The following DCDC2 variants were observed in gnomAD, a reference collection of about 807,000 sequenced individuals.
DCDC2 encodes doublecortin domain containing 2, also known as doublecortin domain-containing protein 2.
A neutral mutation model predicts 50.2 loss-of-function variants in DCDC2; 40 were observed. The observed-to-expected ratio is 0.80, with a 90% CI of 0.62 to 1.04. The LOEUF (loss-of-function observed/expected upper bound fraction) is 1.04, where lower values mean the gene tolerates loss of function less well. Ranked by LOEUF, DCDC2 falls within the 50% of genes least tolerant of loss-of-function variation. The pLI, the probability that DCDC2 is intolerant of heterozygous loss-of-function variation, is 0.00. For missense variants in DCDC2, 570 were observed against 581.9 expected (o/e 0.98, Z 0.21); for synonymous variants, 234 against 210.6 (o/e 1.11, Z -0.96).
At chr6:24,296,437 A>G (rs1759241970) in intron 4 of DCDC2, among the ~76,000 whole-genome samples, 2 of 152,232 alleles carry the variant, frequency 1.3e-5, no homozygotes, top group Non-Finnish European at 2.9e-5. Flanking sequence ...CATGACAAAG[A>G]CACCAAAAGC....
chr6:24,200,926 T>C (rs563715892), intron 8 of DCDC2, among the ~76,000 whole-genome samples: 1 of 151,814 alleles, frequency 6.6e-6, no homozygotes, highest in Non-Finnish European at 1.5e-5. Context: ...CATTACATAA[T>C]TGTAAAGGGA....
At chr6:24,289,743 A>G (rs1305410352) in intron 5 of DCDC2, among the ~76,000 whole-genome samples, 1 of 152,112 alleles carries the variant, frequency 6.6e-6, no homozygotes, top group African/African-American at 2.4e-5. Flanking sequence ...CACTTCATCT[A>G]TTACTTATTT....
Position 24,174,176 on chromosome 6 carries a change from T to C in DCDC2, c.*554A>G, listed in dbSNP as rs530070009. On this transcript the variant is annotated 3_prime_UTR_variant, in exon 10 of 10. Transcript: ENST00000378454. ...CAAAATGAACGCCTTGCTCTGTCTT[T>C]GTAGTTCAAAGGTGGATTTTGGCTA... 1 of 152,760 alleles carries C rather than the reference T, an allele frequency of 6.5e-6. No individual in the cohort carries two copies. Among genetic ancestry groups the C allele is most frequent in the Non-Finnish European group, 1.5e-5 (1 of 68,154 alleles). The allele number at this position is 152,760 out of a possible 1,614,324, so 9.5% of individuals were successfully genotyped here.
intron 4 of DCDC2, 98 bp downstream of exon 4, chr6:24,301,617 G>A: frequency 6.9e-7 from 1 of 1,454,452 alleles, no homozygotes; most frequent in Non-Finnish European, 9.4e-7. Flanking sequence ...TAACTGGGGA[G>A]CCAAAATTCA....
intron 7 of DCDC2, among the ~76,000 whole-genome samples, chr6:24,276,446 T>A (rs1763358875): frequency 6.6e-6 from 1 of 151,488 alleles, no homozygotes; most frequent in South Asian, 2.1e-4. Flanking sequence ...TTAAGGTGGA[T>A]CCTGTTTCAT....
chr6:24,242,961 CA>C (rs11298638), intron 7 of DCDC2, among the ~76,000 whole-genome samples: 114,264 of 147,872 alleles, frequency 0.77, 44,140 homozygotes, highest in Non-Finnish European at 0.8. Context: ...GATCTCATCT[CA>C]AAAAAAAAAA....
At chr6:24,212,343 C>T (rs1035375717) in intron 7 of DCDC2, among the ~76,000 whole-genome samples, 1 of 152,190 alleles carries the variant, frequency 6.6e-6, no homozygotes, top group Non-Finnish European at 1.5e-5. Context: ...TGGGCAAAAA[C>T]AGGCCTTTCA....
At chr6:24,344,854 T>C (rs1277352) in intron 2 of DCDC2, among the ~76,000 whole-genome samples, 151,810 of 152,354 alleles carry the variant, frequency 1, 75,635 homozygotes, top group Middle Eastern at 1. Flanking sequence ...TGGTCACTGA[T>C]GTGAACTGGC....
At chr6:24,309,178 A>G (rs1759528038) in intron 2 of DCDC2, among the ~76,000 whole-genome samples, 1 of 152,118 alleles carries the variant, frequency 6.6e-6, no homozygotes, top group African/African-American at 2.4e-5. Context: ...ACAAAAAATT[A>G]GCCAGGCTTG....
Position 24,357,479 on chromosome 6 carries a change from T to TG in DCDC2, c.271dup (p.Gln91ProfsTer24). On this transcript the variant is annotated frameshift_variant, in exon 1 of 10. Coordinates refer to ENST00000378454, the MANE Select transcript of DCDC2 (RefSeq NM_016356.5). LOFTEE classifies it high-confidence loss of function. The stretch of plus-strand genomic sequence containing the variant: ...TCACTTGAGTTTCTTGAAGGCTTCC[T>TG]GGCCTCCAGCCACGTAATTGCCCCC... 1.2e-6 allele frequency: 2 copies of TG among 1,608,674 alleles called. No homozygotes were observed. Among genetic ancestry groups the TG allele is most frequent in the Non-Finnish European group, 1.7e-6 (2 of 1,176,866 alleles).
At chr6:24,271,051 G>T (rs369883365) in intron 7 of DCDC2, among the ~76,000 whole-genome samples, 3 of 151,334 alleles carry the variant, frequency 2.0e-5, no homozygotes, top group Admixed American at 6.6e-5. Flanking sequence ...GTGAAACCCC[G>T]TCTCTATAAA....
chr6:24,375,849 A>AAGAT, the DCDC2 span, among the ~76,000 whole-genome samples: 86,952 of 151,316 alleles, frequency 0.57, 26,269 homozygotes, highest in East Asian at 0.8. Flanking sequence ...AAGGGAGAGT[A>AAGAT]AGAGGAAGAA....
chr6:24,357,375 G>T (rs535090952), intron 1 of DCDC2, 83 bp downstream of exon 1: 31 of 1,454,870 alleles, frequency 2.1e-5, no homozygotes, highest in Non-Finnish European at 2.8e-5. Context: ...TGAGGTGTGG[G>T]GGGGTAGGGA....
intron 7 of DCDC2, among the ~76,000 whole-genome samples, chr6:24,256,964 GATTA>G (rs1227754409): frequency 6.6e-6 from 1 of 152,100 alleles, no homozygotes; most frequent in Admixed American, 6.6e-5. Context: ...ATTATAACAA[GATTA>G]ATTTTTCAGT....
rs971783591 is a variant in DCDC2 at position 24,226,461 on chromosome 6, A to G, written c.923-21359T>C. Among the ~76,000 whole-genome samples, 4 of 152,208 alleles carry G rather than the reference A, an allele frequency of 2.6e-5. No homozygotes were observed. In the East Asian group the frequency reaches 5.8e-4, roughly 22 times the overall value. On this transcript the variant is annotated intron_variant, in intron 7 of 9. Coordinates refer to ENST00000378454, the MANE Select transcript of DCDC2 (RefSeq NM_016356.5). ...TGGCTGGACCATCCCCTATGTGAGC[A>G]TGAGGGATGAAAACTGGAGCAGACT...
At chr6:24,359,344 A>T (rs1228891280), upstream of DCDC2, among the ~76,000 whole-genome samples, 8 of 61,686 alleles carry the variant, frequency 1.3e-4, no homozygotes, top group Non-Finnish European at 1.8e-4. Flanking sequence ...ATTATATATT[A>T]TATATATTTT....
chr6:24,248,940 A>G (rs1762742311), intron 7 of DCDC2, among the ~76,000 whole-genome samples: 1 of 152,154 alleles, frequency 6.6e-6, no homozygotes, highest in Non-Finnish European at 1.5e-5. Flanking sequence ...CCAATTACCA[A>G]TGCCCCATCC....
the DCDC2 span, among the ~76,000 whole-genome samples, chr6:24,364,521 G>GTTTATATGTATTTATATAACA: frequency 2.4e-4 from 36 of 152,196 alleles, no homozygotes; most frequent in Non-Finnish European, 4.6e-4. Context: ...AGAGTTAAAT[G>GTTTATATGTATTTATATAACA]TTTATATGTA....
intron 7 of DCDC2, among the ~76,000 whole-genome samples, chr6:24,214,016 C>A (rs1457137438): frequency 6.6e-6 from 1 of 152,152 alleles, no homozygotes; most frequent in Non-Finnish European, 1.5e-5. Context: ...TATGTCCCAT[C>A]AGCTCAAATG....
Sources: gnomAD v4.1 joint callset for allele counts (sites outside exome capture counted in the v4.1 genomes callset) on GRCh38, gnomAD v4.1.1 for gene constraint, MANE v1.5 for transcripts, NCBI Gene and HGNC (gene_info 2026-07-23, HGNC 2026-07-21) for gene names.